MTUS2: variants seen among roughly 807,000 people sequenced by gnomAD.
The protein encoded by MTUS2 is microtubule associated scaffold protein 2.
Under a neutral mutation model 114.1 loss-of-function variants are expected in MTUS2, and 40 were observed. The ratio of observed to expected loss-of-function variants is 0.35; its 90% CI spans 0.27 to 0.46. MTUS2 has a LOEUF of 0.46. MTUS2 is among the 20% of genes least tolerant of loss of function. The pLI is 1.00. For synonymous variants in MTUS2, 688 were observed against 672.0 expected, an observed-to-expected ratio of 1.02 and a Z score of -0.37; for missense variants, 1,679 against 1,705.4, an observed-to-expected ratio of 0.98 and a Z score of 0.27.
chr13:29,117,100 T>A (rs867863819), intron 5 of MTUS2, among the ~76,000 whole-genome samples: 1 of 152,226 alleles, frequency 6.6e-6, no homozygotes, highest in Non-Finnish European at 1.5e-5. Context: ...ACCGTGTTCA[T>A]GATACTTTCT....
chr13:29,349,173 A>G (rs1869008390), intron 7 of MTUS2, among the ~76,000 whole-genome samples: 1 of 148,780 alleles, frequency 6.7e-6, no homozygotes, highest in Non-Finnish European at 1.5e-5. Context: ...TTGTTCATGT[A>G]TTAGCTATCT....
intron 5 of MTUS2, among the ~76,000 whole-genome samples, chr13:29,113,092 GTC>G (rs1200925033): frequency 1.3e-5 from 2 of 152,050 alleles, no homozygotes; most frequent in African/African-American, 2.4e-5. Flanking sequence ...TAGATCCCAC[GTC>G]TCTCCAATTT....
At chr13:28,820,676 C>G (rs1873831922) in intron 1 of MTUS2, 65 bp downstream of exon 1, 2 of 152,298 alleles carry the variant, frequency 1.3e-5, no homozygotes, top group South Asian at 4.1e-4. Flanking sequence ...CCTCTGGACC[C>G]GCCGGAGACA....
intron 5 of MTUS2, among the ~76,000 whole-genome samples, chr13:29,107,449 TG>T (rs1389336564): frequency 1.3e-5 from 2 of 152,200 alleles, no homozygotes; most frequent in Non-Finnish European, 2.9e-5. Context: ...TATTTTGTAT[TG>T]GGAACATATT....
chr13:29,468,447 C>T (rs969814028), intron 9 of MTUS2, among the ~76,000 whole-genome samples: 8 of 151,998 alleles, frequency 5.3e-5, no homozygotes, highest in Admixed American at 6.6e-5. Context: ...GTTGTGGTGG[C>T]GGGCACCTGT....
intron 5 of MTUS2, among the ~76,000 whole-genome samples, chr13:29,117,351 T>A (rs894299909): frequency 5.9e-5 from 9 of 152,186 alleles, no homozygotes; most frequent in African/African-American, 2.2e-4. Context: ...CCTGTCATTC[T>A]TATCACCTGT....
At chr13:29,203,125 G>T (rs60796821) in intron 5 of MTUS2, among the ~76,000 whole-genome samples, 1 of 152,196 alleles carries the variant, frequency 6.6e-6, no homozygotes, top group Non-Finnish European at 1.5e-5. Context: ...GCCCCTTTCC[G>T]CAGATGCTCT....
chr13:28,928,854 A>G (rs941728990), intron 2 of MTUS2, among the ~76,000 whole-genome samples: 2 of 152,240 alleles, frequency 1.3e-5, no homozygotes, highest in Admixed American at 6.5e-5. Flanking sequence ...GGATGAATGG[A>G]TAAAGAAAAT....
intron 4 of MTUS2, among the ~76,000 whole-genome samples, chr13:29,072,802 A>T (rs1214726811): frequency 6.6e-6 from 1 of 152,224 alleles, no homozygotes; most frequent in African/African-American, 2.4e-5. Context: ...GAATCAGTTA[A>T]AAATCATTGA....
intron 2 of MTUS2, among the ~76,000 whole-genome samples, chr13:28,913,830 T>G (rs998326795): frequency 1.3e-5 from 2 of 151,970 alleles, no homozygotes; most frequent in African/African-American, 4.8e-5. Context: ...CTGTTTCTTC[T>G]TGATTCAGTC....
intron 2 of MTUS2, among the ~76,000 whole-genome samples, chr13:28,942,964 A>G (rs969585639): frequency 3.9e-5 from 6 of 152,190 alleles, no homozygotes; most frequent in African/African-American, 1.4e-4. Flanking sequence ...AATTTATGAA[A>G]CGATATATTA....
chr13:29,492,035 G>A (rs892591868), intron 11 of MTUS2, among the ~76,000 whole-genome samples: 57 of 103,802 alleles, frequency 5.5e-4, no homozygotes, highest in Non-Finnish European at 5.1e-4. Context: ...TGTGTGTAGT[G>A]TGTGTGTATG....
At chr13:29,049,858 C>G (rs551413350) in intron 4 of MTUS2, among the ~76,000 whole-genome samples, 1 of 152,310 alleles carries the variant, frequency 6.6e-6, no homozygotes, top group African/African-American at 2.4e-5. Flanking sequence ...TCAAGAGACT[C>G]TAAAATACAA....
rs573705483 is a variant in MTUS2, at chr13:28,986,400, C to T, written c.-242-38057C>T. On this transcript the variant is annotated intron_variant, in intron 2 of 15. Coordinates refer to ENST00000612955, the MANE Select transcript of MTUS2 (RefSeq NM_001033602.4). ...GCATACACTAGGTGGGCACTGGCTT[C>T]CTGGCTTCAGAGCCCAGAGGGAAAC... Among the ~76,000 whole-genome samples the T allele has an allele frequency of 1.8e-4, 27 of 152,266 alleles. 1 individual carries two copies. Among genetic ancestry groups the T allele is most frequent in the Admixed American group, 1.7e-3 (26 of 15,300 alleles).
intron 9 of MTUS2, among the ~76,000 whole-genome samples, chr13:29,473,887 C>T (rs866226652): frequency 3.3e-5 from 5 of 152,168 alleles, no homozygotes; most frequent in Middle Eastern, 3.4e-3. Context: ...GAAAGTGAAA[C>T]TCCAGGTGTT....
chr13:29,277,836 G>A (rs1898122992), intron 5 of MTUS2, among the ~76,000 whole-genome samples: 1 of 152,214 alleles, frequency 6.6e-6, no homozygotes, highest in East Asian at 1.9e-4. Flanking sequence ...GAGATCTAGA[G>A]TAGGGCAAAA....
intron 5 of MTUS2, among the ~76,000 whole-genome samples, chr13:29,254,405 C>G (rs4439609): frequency 6.6e-6 from 1 of 152,040 alleles, no homozygotes; most frequent in African/African-American, 2.4e-5. Context: ...TTCAAAAATA[C>G]TTTCTGCAGG....
intron 5 of MTUS2, among the ~76,000 whole-genome samples, chr13:29,103,043 T>C (rs1163904568): frequency 6.6e-6 from 1 of 152,208 alleles, no homozygotes; most frequent in Non-Finnish European, 1.5e-5. Context: ...CAATGTGGTA[T>C]CAGAATCGGT....
intron 2 of MTUS2, among the ~76,000 whole-genome samples, chr13:28,998,778 A>G (rs1885240064): frequency 6.6e-6 from 1 of 151,966 alleles, no homozygotes; most frequent in Non-Finnish European, 1.5e-5. Flanking sequence ...TGGTTATTCT[A>G]GTTATCTATT....
Sources: gnomAD v4.1 joint callset for allele counts (sites outside exome capture counted in the v4.1 genomes callset) on GRCh38, gnomAD v4.1.1 for gene constraint, MANE v1.5 for transcripts, NCBI Gene and HGNC (gene_info 2026-07-23, HGNC 2026-07-21) for gene names.